Variants in EIPR1 observed in about 807,000 individuals in gnomAD.
EIPR1 encodes EARP and GARP complex-interacting protein 1.
Under a neutral mutation model 48.1 loss-of-function variants are expected in EIPR1, and 25 were observed. The ratio of observed to expected loss-of-function variants is 0.52; its 90% CI spans 0.38 to 0.73. The LOEUF (loss-of-function observed/expected upper bound fraction) is 0.73, where lower values mean the gene tolerates loss of function less well. EIPR1 is among the 30% of genes least tolerant of loss of function. The pLI, the probability that EIPR1 is intolerant of heterozygous loss-of-function variation, is 0.00. For missense variants in EIPR1, 415 were observed against 506.2 expected, an observed-to-expected ratio of 0.82 and a Z score of 1.73; for synonymous variants, 204 against 201.9, an observed-to-expected ratio of 1.01 and a Z score of -0.09.
At chr2:3,296,163 CCCT>C (rs1265055689) in intron 3 of EIPR1, among the ~76,000 whole-genome samples, 1 of 135,888 alleles carries the variant, frequency 7.4e-6, no homozygotes, top group African/African-American at 2.8e-5. Flanking sequence ...TCCATCCAGC[CCCT>C]CCTCTCCCTG....
In EIPR1 at chr2:3,331,296, CAT is replaced by C. The variant is rs1258256758; in HGVS notation, c.259+6719_259+6720del. On this transcript the variant is annotated intron_variant, in intron 3 of 8. Coordinates refer to ENST00000382125, the MANE Select transcript of EIPR1 (RefSeq NM_003310.5). ...GAGCAGAGGCAGGTGTGTATACACT[CAT>C]GAGATGGTTTCAGCAGAGGCAGGTG... Among the ~76,000 whole-genome samples, 6 of 80,574 alleles carry C rather than the reference CAT, an allele frequency of 7.4e-5. 1 individual carries two copies. Among genetic ancestry groups the C allele is most frequent in the African/African-American group, 4.0e-4 (6 of 14,850 alleles). The allele number at this position is 80,574 out of a possible 152,430, so 52.9% of individuals were successfully genotyped here.
chr2:3,335,214 T>G (rs578250408), intron 3 of EIPR1, among the ~76,000 whole-genome samples: 9 of 152,252 alleles, frequency 5.9e-5, no homozygotes, highest in African/African-American at 1.9e-4. Context: ...TGAAGAGGCA[T>G]GCGCTGTTGG....
chr2:3,325,753 A>C lies in EIPR1; in HGVS notation c.259+12264T>G, dbSNP rs1054146711. 2.0e-5 allele frequency among the ~76,000 whole-genome samples: 3 copies of C among 152,324 alleles called. No individual in the cohort carries two copies. The East Asian group carries it at 5.8e-4, about 29-fold the overall frequency. On this transcript the variant is annotated intron_variant, in intron 3 of 8. Coordinates refer to ENST00000382125, the MANE Select transcript of EIPR1 (RefSeq NM_003310.5). ...GAGATTACCGCACAGTTTGCATTCT[A>C]CTTTGTAACATATCTACATTCATTT...
Position 3,214,973 on chromosome 2 carries a change from T to C in EIPR1, c.417-725A>G, listed in dbSNP as rs1171999387. Among the ~76,000 whole-genome samples, 3 of 151,984 alleles carry C rather than the reference T, an allele frequency of 2.0e-5. No individual in the cohort carries two copies. In the East Asian group the frequency reaches 5.8e-4, roughly 29 times the overall value. On this transcript the variant is annotated intron_variant, in intron 4 of 8. Transcript: ENST00000382125. The stretch of plus-strand genomic sequence containing the variant: ...AGGCTTCCTGTCTCTCTCCATCACG[T>C]GAGGACACAGTGAGAAGGCAGCTGT...
intron 3 of EIPR1, among the ~76,000 whole-genome samples, chr2:3,302,106 T>C (rs765831786): frequency 6.6e-5 from 10 of 152,214 alleles, no homozygotes; most frequent in Middle Eastern, 3.2e-3. Context: ...AAGAAACCTG[T>C]GTATAGAATA....
Position 3,338,136 on chromosome 2 carries a change from T to C in EIPR1, c.140A>G (p.Asp47Gly), listed in dbSNP as rs763732581. The change falls in exon 3 of 9, where the codon GAT (aspartate) becomes GGT (glycine). Residue 47 changes from aspartate (D) to glycine (G), a missense_variant. By Grantham distance (94) the Asp-to-Gly change is moderately conservative. Coordinates refer to ENST00000382125, the MANE Select transcript of EIPR1 (RefSeq NM_003310.5). ...TATAATGTTGTTTTCATCGTCAAAA[T>C]CTATGATATGGATCTACAAATACAA... Reference protein sequence around the residue: ...LKYDNQIHIIDFDDENNIINK... With the variant: ...LKYDNQIHIIGFDDENNIINK... 6.2e-7 allele frequency: 1 copy of C among 1,610,362 alleles called. No homozygotes were observed.
chr2:3,376,207 A>C (rs768218417), intron 1 of EIPR1, among the ~76,000 whole-genome samples: 1 of 152,218 alleles, frequency 6.6e-6, no homozygotes, highest in Non-Finnish European at 1.5e-5. Context: ...GATTCAATTA[A>C]GTGTATTAAC....
intron 3 of EIPR1, among the ~76,000 whole-genome samples, chr2:3,276,212 C>CCA (rs1256703519): frequency 9.2e-5 from 14 of 152,174 alleles, no homozygotes; most frequent in Admixed American, 9.2e-4. Context: ...CTGTTTACTT[C>CCA]CTTGCTGTTG....
intron 5 of EIPR1, among the ~76,000 whole-genome samples, chr2:3,205,004 T>C (rs1233720086): frequency 6.6e-6 from 1 of 151,970 alleles, no homozygotes; most frequent in African/African-American, 2.4e-5. Context: ...CCAAGGAAAA[T>C]GGAGGACCAG....
At chr2:3,363,480 G>A (rs1311792695) in intron 1 of EIPR1, among the ~76,000 whole-genome samples, 1 of 152,282 alleles carries the variant, frequency 6.6e-6, no homozygotes, top group Middle Eastern at 3.4e-3. Flanking sequence ...CAAATGGCTT[G>A]AGCTCAAGAG....
chr2:3,361,769 G>A (rs6727283), intron 1 of EIPR1, among the ~76,000 whole-genome samples: 65,134 of 139,698 alleles, frequency 0.47, 16,055 homozygotes, highest in Admixed American at 0.59. Context: ...TCCCTCACAC[G>A]GGCACCTCCA....
intron 3 of EIPR1, among the ~76,000 whole-genome samples, chr2:3,314,153 T>A (rs978511286): frequency 6.6e-6 from 1 of 152,340 alleles, no homozygotes; most frequent in Non-Finnish European, 1.5e-5. Context: ...TCCCGAGGAC[T>A]CTGCGCCAGC....
chr2:3,308,536 C>A (rs556503223), intron 3 of EIPR1, among the ~76,000 whole-genome samples: 1 of 152,044 alleles, frequency 6.6e-6, no homozygotes, highest in South Asian at 2.1e-4. Flanking sequence ...CTCAGGAATG[C>A]GGGACAATAG....
intron 4 of EIPR1, among the ~76,000 whole-genome samples, chr2:3,236,501 C>T (rs759308155): frequency 9.2e-5 from 14 of 152,314 alleles, no homozygotes; most frequent in Middle Eastern, 3.4e-3. Flanking sequence ...CTGAAAACCA[C>T]ACCTGAGAAA....
chr2:3,317,094 C>G (rs1412570765), intron 3 of EIPR1, among the ~76,000 whole-genome samples: 1 of 151,496 alleles, frequency 6.6e-6, no homozygotes, highest in Non-Finnish European at 1.5e-5. Context: ...ACTGACCGAG[C>G]TGAGGGCCTA....
At chr2:3,357,502 G>A (rs936572016) in intron 1 of EIPR1, among the ~76,000 whole-genome samples, 2 of 152,318 alleles carry the variant, frequency 1.3e-5, no homozygotes, top group African/African-American at 4.8e-5. Flanking sequence ...TAACTTAGGA[G>A]TATGCACCTG....
chr2:3,267,780 G>A (rs544257144), intron 3 of EIPR1, among the ~76,000 whole-genome samples: 3 of 152,282 alleles, frequency 2.0e-5, no homozygotes, highest in Non-Finnish European at 4.4e-5. Context: ...TTTTTAAAGG[G>A]ACATAAAAGG....
intron 5 of EIPR1, among the ~76,000 whole-genome samples, chr2:3,200,184 T>C (rs1664979422): frequency 6.6e-6 from 1 of 152,020 alleles, no homozygotes; most frequent in Non-Finnish European, 1.5e-5. Flanking sequence ...AGTGGACCTG[T>C]CCGCTCCCTC....
chr2:3,263,019 G>A (rs1331489048), intron 3 of EIPR1, among the ~76,000 whole-genome samples: 1 of 152,218 alleles, frequency 6.6e-6, no homozygotes, highest in African/African-American at 2.4e-5. Flanking sequence ...TCATGCCTGT[G>A]GCCATGTGGG....
Sources: gnomAD v4.1 joint callset for allele counts (sites outside exome capture counted in the v4.1 genomes callset) on GRCh38, gnomAD v4.1.1 for gene constraint, MANE v1.5 for transcripts, NCBI Gene and HGNC (gene_info 2026-07-23, HGNC 2026-07-21) for gene names.